Variants in SIMC1 observed in about 807,000 individuals in gnomAD.
SIMC1 encodes the protein SUMO interacting motifs containing 1, also known as SUMO-interacting motif-containing protein 1.
In SIMC1, 55 loss-of-function variants were observed where a neutral mutation model predicts 82.3. The ratio of observed to expected loss-of-function variants is 0.67; its 90% confidence interval spans 0.54 to 0.84. The LOEUF is 0.84. SIMC1 is among the 40% of genes least tolerant of loss of function. The pLI is 0.00. For missense variants in SIMC1, 915 were observed against 1,107.2 expected, an observed-to-expected ratio of 0.83 and a Z score of 2.46; for synonymous variants, 353 against 426.3, an observed-to-expected ratio of 0.83 and a Z score of 2.12.
At position 176,338,510 on chromosome 5, in the gene SIMC1, A is replaced by G. The variant is rs1765998985; in HGVS notation, c.2413+1364A>G. On this transcript the variant is annotated intron_variant, in intron 9 of 9. Transcript: ENST00000429602. Reference sequence around the variant, plus strand: ...AATTGGTAAAACTTTAGTAGATTAGATAACATTATTGTGTCCATATTAAAT... The same window carrying G: ...AATTGGTAAAACTTTAGTAGATTAGGTAACATTATTGTGTCCATATTAAAT... 2.6e-5 allele frequency among the ~76,000 whole-genome samples: 4 copies of G among 152,280 alleles called. No individual in the cohort carries two copies. In the South Asian group the frequency reaches 8.3e-4, roughly 32 times the overall value.
At chr5:176,325,333 C>T (rs1453040274) in intron 7 of SIMC1, among the ~76,000 whole-genome samples, 1 of 151,984 alleles carries the variant, frequency 6.6e-6, no homozygotes, top group Non-Finnish European at 1.5e-5. Context: ...TTGCAGTGAG[C>T]TGAGATTGCT....
chr5:176,244,773 G>C (rs1761383383), intron 1 of SIMC1, among the ~76,000 whole-genome samples: 1 of 141,414 alleles, frequency 7.1e-6, no homozygotes, highest in African/African-American at 2.7e-5. Context: ...CCAGGCTGGA[G>C]TGCAATGGCG....
At chr5:176,288,852 C>T (rs1389391067) in intron 1 of SIMC1, among the ~76,000 whole-genome samples, 2 of 152,162 alleles carry the variant, frequency 1.3e-5, no homozygotes, top group Admixed American at 6.6e-5. Flanking sequence ...TTTCCAGGCT[C>T]ATGGTACAGA....
At chr5:176,286,814 C>T (rs534763083) in intron 1 of SIMC1, among the ~76,000 whole-genome samples, 23 of 152,044 alleles carry the variant, frequency 1.5e-4, no homozygotes, top group Admixed American at 3.3e-4. Flanking sequence ...AAAAAGTGGG[C>T]GAAATATATG....
intron 7 of SIMC1, among the ~76,000 whole-genome samples, chr5:176,326,477 C>T (rs1290125652): frequency 6.6e-6 from 1 of 152,026 alleles, no homozygotes; most frequent in African/African-American, 2.4e-5. Flanking sequence ...AAGCAATCCT[C>T]CTGCCTCAGC....
intron 1 of SIMC1, among the ~76,000 whole-genome samples, chr5:176,250,957 T>C (rs1415851817): frequency 6.6e-6 from 1 of 152,258 alleles, no homozygotes; most frequent in East Asian, 1.9e-4. Flanking sequence ...TTAGCCCGTT[T>C]ACATTTAAGA....
chr5:176,333,041 C>T (rs1046448275), intron 7 of SIMC1, among the ~76,000 whole-genome samples: 14 of 152,172 alleles, frequency 9.2e-5, no homozygotes, highest in African/African-American at 4.8e-5. Flanking sequence ...CAATGGCTCA[C>T]GCCTATAATC....
chr5:176,286,055 A>C (rs1326312024), intron 1 of SIMC1, among the ~76,000 whole-genome samples: 1 of 152,258 alleles, frequency 6.6e-6, no homozygotes, highest in Non-Finnish European at 1.5e-5. Flanking sequence ...AAATGGCCAT[A>C]CTGCCCAAGG....
rs1298972908 is a variant in SIMC1 at position 176,277,426 on chromosome 5, T to C, written c.130-12228T>C. Among the ~76,000 whole-genome samples the C allele has an allele frequency of 5.9e-5, 9 of 152,078 alleles. No homozygotes were observed. The East Asian group carries it at 1.7e-3, about 29-fold the overall frequency. On this transcript the variant is annotated intron_variant, in intron 1 of 9. Transcript: ENST00000429602. The stretch of plus-strand genomic sequence containing the variant: ...CTGTTCACTCTGATGGTAGTTTCTT[T>C]TGCTGTGCAGAAGCTCTTTAGTTTA...
rs1766396758 is a variant in SIMC1 at position 176,345,227 on chromosome 5, A to T, written c.2458A>T (p.Lys820Ter). The T allele has an allele frequency of 6.2e-7, 1 of 1,614,002 alleles. No individual in the cohort carries two copies. Among genetic ancestry groups the T allele is most frequent in the Non-Finnish European group, 8.5e-7 (1 of 1,179,864 alleles). ...GATCGACCGAAAGGACTTAATAATC[A>T]AAAGGATTAAGCCCAAACCCCAGCA... is the stretch of plus-strand genomic sequence containing the variant. ...SVIDRKDLII[K>*]RIKPKPQQGD... The change falls in exon 10 of 10, where the codon AAA (lysine) becomes TAA (stop). Residue 820 changes from lysine (K) to a stop codon, truncating the protein, a stop_gained. Transcript: ENST00000429602. LOFTEE classifies it high-confidence loss of function.
intron 1 of SIMC1, among the ~76,000 whole-genome samples, chr5:176,252,362 A>T (rs1447980438): frequency 1.3e-5 from 2 of 149,374 alleles, no homozygotes; most frequent in East Asian, 4.0e-4. Flanking sequence ...TGCCGGGCGG[A>T]GGGGCTCCTC....
intron 2 of SIMC1, 41 bp downstream of exon 2, chr5:176,290,996 C>T: frequency 7.0e-7 from 1 of 1,423,860 alleles, no homozygotes; most frequent in Non-Finnish European, 9.4e-7. Flanking sequence ...TGTCCTTTCC[C>T]TAGGCCTAGG....
At chr5:176,308,834 C>T in intron 4 of SIMC1, 2 of 1,235,596 alleles carry the variant, frequency 1.6e-6, no homozygotes, top group Non-Finnish European at 2.4e-6. Flanking sequence ...CACATCTGGA[C>T]TCATAACCAA....
chr5:176,289,912 G>A lies in SIMC1; in HGVS notation c.388G>A (p.Val130Ile), dbSNP rs1763466215. Residue 130 changes from valine to isoleucine, a missense_variant, in exon 2 of 10, where the codon GTA (valine) becomes ATA (isoleucine). Coordinates refer to ENST00000429602, the MANE Select transcript of SIMC1 (RefSeq NM_001308195.2). ...ACGGAGAATCATTAACAGTGATCCTGTAGATTTGGACCTAGTGGAAGAAAA... is the reference window on the plus strand; with the variant it reads ...ACGGAGAATCATTAACAGTGATCCTATAGATTTGGACCTAGTGGAAGAAAA... Reference protein sequence around the residue: ...TARRIINSDPVDLDLVEENTF... With the variant: ...TARRIINSDPIDLDLVEENTF... 1 of 1,613,938 alleles carries A rather than the reference G, an allele frequency of 6.2e-7. No homozygotes were observed. The highest frequency in any genetic ancestry group is 1.1e-5 in the South Asian group (1 of 91,072).
intron 5 of SIMC1, among the ~76,000 whole-genome samples, chr5:176,319,620 G>A (rs1217686904): frequency 6.6e-6 from 1 of 152,114 alleles, no homozygotes; most frequent in Non-Finnish European, 1.5e-5. Flanking sequence ...GAGGCCAGGA[G>A]TTCAAGACCA....
intron 1 of SIMC1, among the ~76,000 whole-genome samples, chr5:176,248,891 G>A (rs550580233): frequency 2.3e-4 from 35 of 151,752 alleles, no homozygotes; most frequent in Admixed American, 7.9e-4. Flanking sequence ...TGGTTCTGTC[G>A]ATGGATTACG....
chr5:176,303,267 T>C (rs151318115), intron 4 of SIMC1, among the ~76,000 whole-genome samples: 2,825 of 57,860 alleles, frequency 0.049, 42 homozygotes, highest in Middle Eastern at 0.12. Flanking sequence ...GACTCTGTCT[T>C]TAAAAAAAAA....
At chr5:176,265,688 G>A (rs553810932) in intron 1 of SIMC1, among the ~76,000 whole-genome samples, 2 of 152,102 alleles carry the variant, frequency 1.3e-5, no homozygotes, top group East Asian at 3.9e-4. Context: ...CCTCCCTCTG[G>A]CAATACAACT....
intron 5 of SIMC1, among the ~76,000 whole-genome samples, chr5:176,315,287 A>G (rs564414085): frequency 6.6e-6 from 1 of 152,288 alleles, no homozygotes; most frequent in Non-Finnish European, 1.5e-5. Context: ...CTATGGTGCC[A>G]ACCTCTGTCA....
Sources: allele counts gnomAD v4.1 joint callset (sites outside exome capture counted in the v4.1 genomes callset), GRCh38; gene constraint gnomAD v4.1.1; transcripts MANE v1.5; gene names NCBI Gene and HGNC (gene_info 2026-07-23, HGNC 2026-07-21).